The following SMC2 variants were observed in gnomAD, a reference collection of about 807,000 sequenced individuals.
SMC2 encodes structural maintenance of chromosomes 2.
A neutral mutation model predicts 142.6 loss-of-function variants in SMC2; 41 were observed. That is an observed-to-expected ratio of 0.29 (90% confidence interval 0.22 to 0.37). The LOEUF (loss-of-function observed/expected upper bound fraction) is 0.37, where lower values mean the gene tolerates loss of function less well. Ranked by LOEUF, SMC2 falls within the 10% of genes least tolerant of loss-of-function variation. SMC2 has a pLI of 1.00. For synonymous variants in SMC2, 463 were observed against 457.5 expected (o/e 1.01, Z -0.15); for missense variants, 1,265 against 1,373.7 (o/e 0.92, Z 1.25).
chr9:104,099,741 C>T (rs41282191), intron 5 of SMC2, 59 bp downstream of exon 5: 19,919 of 1,052,256 alleles, frequency 0.019, 1,092 homozygotes, highest in African/African-American at 0.18. Context: ...TTTAATCTTT[C>T]AGACAATTTT....
chr9:104,117,974 T>C (rs1158318256), intron 14 of SMC2, among the ~76,000 whole-genome samples, 197 bp from the exon 15 acceptor site: 1 of 152,186 alleles, frequency 6.6e-6, no homozygotes, highest in African/African-American at 2.4e-5. Flanking sequence ...CAATAAATCT[T>C]TCAGTATTTA....
At chr9:104,119,285 G>C (rs1243418814) in intron 15 of SMC2, among the ~76,000 whole-genome samples, 1 of 152,166 alleles carries the variant, frequency 6.6e-6, no homozygotes, top group African/African-American at 2.4e-5. Context: ...TGCTTTTGAA[G>C]TTTTTACTTA....
At chr9:104,139,077 A>G in intron 24 of SMC2, 62 bp from the exon 25 acceptor site, 5 of 1,104,814 alleles carry the variant, frequency 4.5e-6, no homozygotes, top group Middle Eastern at 2.4e-4. Flanking sequence ...CACCAGTATA[A>G]AGGAGTAAAC....
intron 1 of SMC2, 67 bp from the exon 2 acceptor site, chr9:104,095,257 T>TA: frequency 1.4e-6 from 1 of 705,748 alleles, no homozygotes; most frequent in Non-Finnish European, 2.4e-6. Context: ...TTGCTGTTTT[T>TA]GCCTCGTGTT....
chr9:104,119,709 T>A (rs1486208759), intron 15 of SMC2, among the ~76,000 whole-genome samples: 1 of 152,102 alleles, frequency 6.6e-6, no homozygotes, highest in Non-Finnish European at 1.5e-5. Context: ...AAGTTTACTT[T>A]CAGAAGAGAC....
intron 9 of SMC2, among the ~76,000 whole-genome samples, chr9:104,104,228 G>A (rs1231550524): frequency 6.6e-6 from 1 of 152,134 alleles, no homozygotes; most frequent in Non-Finnish European, 1.5e-5. Context: ...ACTCTATGAA[G>A]CAGGTTTATT....
At chr9:104,101,840 A>G (rs1402862991) in intron 7 of SMC2, 120 bp from the exon 8 acceptor site, 14 of 607,966 alleles carry the variant, frequency 2.3e-5, no homozygotes, top group African/African-American at 1.1e-4. Context: ...TTAAAATGCT[A>G]TAATTGTTTA....
Position 104,102,185 on chromosome 9 carries a change from AAAGAT to A in SMC2, c.866_870del (p.Asp289GlyfsTer20), listed in dbSNP as rs1831216868. The A allele has an allele frequency of 6.6e-7, 1 of 1,525,908 alleles. No homozygotes were observed. Among genetic ancestry groups the A allele is most frequent in the East Asian group, 2.3e-5 (1 of 44,382 alleles). 94.5% of individuals were successfully genotyped at this position (1,525,908 alleles called of 1,614,324 possible). ...TGAAATAGAAGAATTGGAAAAAAGA[AAAGAT>A]AAGGTCTGAACATATGTATAAGAAT... On this transcript the variant is annotated frameshift_variant, in exon 8 of 25. Transcript: ENST00000374793. LOFTEE classifies it high-confidence loss of function.
chr9:104,090,015 A>C (rs1237313089), upstream of SMC2, among the ~76,000 whole-genome samples: 1 of 151,928 alleles, frequency 6.6e-6, no homozygotes, highest in Non-Finnish European at 1.5e-5. Context: ...AGGAAAAGTG[A>C]CTTTGAATAG....
intron 22 of SMC2, among the ~76,000 whole-genome samples, chr9:104,133,183 T>TTCATCTTTA (rs1835173580): frequency 6.6e-6 from 1 of 152,166 alleles, no homozygotes; most frequent in African/African-American, 2.4e-5. Flanking sequence ...TCTCTTTTAT[T>TTCATCTTTA]TCATCTTTAT....
intron 9 of SMC2, among the ~76,000 whole-genome samples, chr9:104,105,185 AC>A (rs917224031): frequency 3.6e-4 from 55 of 152,188 alleles, no homozygotes; most frequent in Non-Finnish European, 1.0e-4. Flanking sequence ...AAGCACTTAA[AC>A]CCAGAGTCAG....
At chr9:104,129,502 C>CAA (rs60804779) in intron 20 of SMC2, 143 bp from the exon 21 acceptor site, 12,283 of 545,226 alleles carry the variant, frequency 0.023, 543 homozygotes, top group African/African-American at 0.18. Context: ...AACTCCATCT[C>CAA]AAAAAAAAAA....
Position 104,118,370 on chromosome 9 carries a change from G to A in SMC2, c.1991G>A (p.Ser664Asn), listed in dbSNP as rs968188553. Residue 664 changes from serine to asparagine, a missense_variant, in exon 15 of 25, where the codon AGT becomes AAT. Physicochemically the swap from Ser to Asn is conservative, Grantham distance 46. Transcript: ENST00000374793. ...GDVFDPHGTL[S>N]GGARSQAASI... Reference sequence around the variant, plus strand: ...GTGTTTGATCCTCATGGGACATTGAGTGGAGGTAAGTTTTATATCCTTTTC... The same window carrying A: ...GTGTTTGATCCTCATGGGACATTGAATGGAGGTAAGTTTTATATCCTTTTC... 3 of 1,611,480 alleles carry A rather than the reference G, an allele frequency of 1.9e-6. No homozygotes were observed. The highest frequency in any genetic ancestry group is 2.5e-6 in the Non-Finnish European group (3 of 1,178,376).
chr9:104,116,845 G>A (rs989161637), intron 14 of SMC2, among the ~76,000 whole-genome samples: 2 of 152,144 alleles, frequency 1.3e-5, no homozygotes, highest in African/African-American at 4.8e-5. Flanking sequence ...ATGCTTGCTA[G>A]TAAGAAAATA....
chr9:104,105,320 C>T (rs1388653350), intron 9 of SMC2, among the ~76,000 whole-genome samples: 1 of 152,078 alleles, frequency 6.6e-6, no homozygotes, highest in African/African-American at 2.4e-5. Flanking sequence ...CGTACAGGAT[C>T]CCACCGTCTG....
chr9:104,134,289 GT>G (rs1417531717), intron 22 of SMC2, 125 bp from the exon 23 acceptor site: 17 of 586,426 alleles, frequency 2.9e-5, no homozygotes, highest in Admixed American at 1.4e-4. Flanking sequence ...ATGGGCCATA[GT>G]TTGTCAGCCC....
rs888097726 is a variant in SMC2 at position 104,102,642 on chromosome 9, T to C, written c.1020+69T>C. ...ATATAGTCTCATTAGTGTACATTTA[T>C]CTATTCCATGAATATTTAGTGAGTG... On this transcript the variant is annotated intron_variant, in intron 9 of 24. Transcript: ENST00000374793. 2.1e-6 allele frequency: 3 copies of C among 1,425,940 alleles called. No homozygotes were observed. The African/African-American group carries it at 4.4e-5, about 21-fold the overall frequency. The allele number at this position is 1,425,940 out of a possible 1,614,324, so 88.3% of individuals were successfully genotyped here. A position where few individuals can be genotyped will look rare whatever the true frequency, so the allele number is the denominator to read the frequency against.
intron 16 of SMC2, among the ~76,000 whole-genome samples, 154 bp downstream of exon 16, chr9:104,120,316 A>G (rs773353001): frequency 4.6e-5 from 7 of 152,212 alleles, no homozygotes; most frequent in Non-Finnish European, 7.3e-5. Flanking sequence ...ATAACTTACC[A>G]TTTATCCATT....
chr9:104,103,987 C>T (rs1386860427), intron 9 of SMC2, among the ~76,000 whole-genome samples: 4 of 151,652 alleles, frequency 2.6e-5, no homozygotes, highest in East Asian at 3.9e-4. Flanking sequence ...GTTCATTTTT[C>T]TTTAGTCTTG....
Sources: gnomAD v4.1 joint callset for allele counts (sites outside exome capture counted in the v4.1 genomes callset) on GRCh38, gnomAD v4.1.1 for gene constraint, MANE v1.5 for transcripts, NCBI Gene and HGNC (gene_info 2026-07-23, HGNC 2026-07-21) for gene names.